Variants in CD276 observed in about 807,000 individuals in gnomAD.
CD276 encodes the protein CD276 antigen.
In CD276, 34 loss-of-function variants were observed where a neutral mutation model predicts 50.0. The ratio of observed to expected loss-of-function variants is 0.68; its 90% confidence interval spans 0.52 to 0.91. CD276 has a LOEUF of 0.91. Ranked by LOEUF, CD276 falls within the 40% of genes least tolerant of loss-of-function variation. The pLI is 0.00. For missense variants in CD276, 634 were observed against 717.5 expected (o/e 0.88, Z 1.33); for synonymous variants, 275 against 313.0 (o/e 0.88, Z 1.28).
chr15:73,700,521 A>G (rs1900337785), intron 2 of CD276, among the ~76,000 whole-genome samples: 1 of 152,080 alleles, frequency 6.6e-6, no homozygotes, highest in Non-Finnish European at 1.5e-5. Context: ...TGGGTGACTT[A>G]CCAGGTTTCA....
intron 9 of CD276, chr15:73,711,413 T>C (rs1900896206): frequency 1.9e-6 from 1 of 528,086 alleles, no homozygotes; most frequent in East Asian, 3.3e-5. Context: ...CTTCCTGTGA[T>C]AGTGTGAGCA....
rs1232910610 is a variant in CD276, at chr15:73,709,655, G to A, written c.1512G>A (p.Glu504=). 5.0e-6 allele frequency: 8 copies of A among 1,612,912 alleles called. No homozygotes were observed. The highest frequency in any genetic ancestry group is 4.5e-5 in the East Asian group (2 of 44,856). ...GAGTTCTTGCCTTTGCAGGAGCTGA[G>A]GACCAGGATGGGGAGGGAGAAGGCT... The part of the protein sequence containing the change: ...QSCEEENAGA[E]DQDGEGEGSK... The change falls in exon 8 of 10, where the codon GAG becomes GAA. Residue 504 remains glutamate (E), a synonymous_variant. Transcript: ENST00000318443.
intron 4 of CD276, 141 bp downstream of exon 4, chr15:73,703,227 G>A: frequency 9.3e-7 from 1 of 1,072,134 alleles, no homozygotes; most frequent in Non-Finnish European, 1.3e-6. Context: ...ATAACGGGGA[G>A]GTGGGGATGT....
intron 9 of CD276, 119 bp from the exon 10 acceptor site, chr15:73,712,815 C>A: frequency 1.9e-6 from 2 of 1,035,552 alleles, no homozygotes; most frequent in Non-Finnish European, 2.9e-6. Flanking sequence ...CTGTCTCACA[C>A]ACACTCCCCA....
In CD276 at chr15:73,703,881, C is replaced by T. The variant is rs756640908; in HGVS notation, c.956C>T (p.Ala319Val). 5 of 1,613,722 alleles carry T rather than the reference C, an allele frequency of 3.1e-6. No individual in the cohort carries two copies. In the South Asian group the frequency reaches 5.5e-5, roughly 18 times the overall value. ...ACGGCCCTCTTCCCGGACCTGCTGG[C>T]ACAAGGCAATGCATCCCTGAGGCTG... Reference protein sequence around the residue: ...NRTALFPDLLAQGNASLRLQR... With the variant: ...NRTALFPDLLVQGNASLRLQR... Residue 319 changes from alanine to valine, a missense_variant, in exon 5 of 10, where the codon GCA (alanine) becomes GTA (valine). Ala to Val is a moderately conservative substitution (Grantham distance 64). Transcript: ENST00000318443.
chr15:73,684,699 G>T (rs989992295), intron 1 of CD276: 1 of 152,220 alleles, frequency 6.6e-6, no homozygotes, highest in African/African-American at 2.4e-5. Flanking sequence ...CCCGCGGAGA[G>T]CTGGGGGCTC....
At chr15:73,684,513 G>C (rs969122931) in intron 1 of CD276, 53 bp downstream of exon 1, 1 of 153,046 alleles carries the variant, frequency 6.5e-6, no homozygotes, top group Non-Finnish European at 1.5e-5. Flanking sequence ...TTTGTCTGCT[G>C]CGGGCCGGGC....
intron 1 of CD276, 110 bp downstream of exon 1, chr15:73,684,570 C>G (rs1899661878): frequency 2.0e-3 from 1 of 512 alleles, no homozygotes; most frequent in African/African-American, 0.011. Context: ...GCTGCAGGAG[C>G]TGAGCAGGGC....
chr15:73,699,264 C>A (rs569647369), intron 1 of CD276, among the ~76,000 whole-genome samples: 3 of 152,350 alleles, frequency 2.0e-5, no homozygotes, highest in Non-Finnish European at 4.4e-5. Flanking sequence ...TTGATCTGCA[C>A]ACATCCTAGC....
Position 73,713,440 on chromosome 15 carries a change from C to A in CD276, c.*484C>A. 3.6e-6 allele frequency: 1 copy of A among 274,624 alleles called. No individual in the cohort carries two copies. Among genetic ancestry groups the A allele is most frequent in the Non-Finnish European group, 7.0e-6 (1 of 143,690 alleles). The allele number at this position is 274,624 out of a possible 1,614,324, so 17.0% of individuals were successfully genotyped here. On this transcript the variant is annotated 3_prime_UTR_variant, in exon 10 of 10. Transcript: ENST00000318443. ...GTGATACACTAGTGATCATGTTCAG[C>A]CCTGCTTCCACCTGCATAGAATCTT... is the stretch of plus-strand genomic sequence containing the variant.
At chr15:73,688,586 G>C (rs1456206719) in intron 1 of CD276, among the ~76,000 whole-genome samples, 4 of 152,228 alleles carry the variant, frequency 2.6e-5, no homozygotes, top group Non-Finnish European at 5.9e-5. Flanking sequence ...GTGAGGAAGA[G>C]AGATAGGAGC....
intron 2 of CD276, 69 bp downstream of exon 2, chr15:73,699,787 C>T (rs1179824717): frequency 1.1e-5 from 16 of 1,503,912 alleles, no homozygotes; most frequent in East Asian, 2.4e-5. Context: ...GGGGTGCCCA[C>T]GCCTGTTAGG....
At chr15:73,691,001 C>T (rs1231307668) in intron 1 of CD276, among the ~76,000 whole-genome samples, 1 of 85,452 alleles carries the variant, frequency 1.2e-5, no homozygotes, top group East Asian at 3.9e-4. Context: ...ATTATTCTGG[C>T]TGTTGTATAG....
In CD276 at chr15:73,708,357, C is replaced by T. The variant is rs1478235511; in HGVS notation, c.1388C>T (p.Pro463Leu). Residue 463 changes from proline (P) to leucine (L), a missense_variant, in exon 7 of 10, where the codon CCC becomes CTC. Transcript: ENST00000318443. ...CTCTCAGGGCAGCCTATGACATTCC[C>T]CCCAGAGGCCCTGTGGGTGACCGTG... ...VTITGQPMTF[P>L]PEALWVTVGL... is the part of the protein sequence containing the mutation. 1 of 1,614,162 alleles carries T rather than the reference C, an allele frequency of 6.2e-7. No homozygotes were observed. The highest frequency in any genetic ancestry group is 1.1e-5 in the South Asian group (1 of 91,088).
Position 73,703,078 on chromosome 15 carries a change from G to T in CD276, c.725G>T (p.Ser242Ile), listed in dbSNP as rs1379799467. 2 of 1,597,476 alleles carry T rather than the reference G, an allele frequency of 1.3e-6. No individual in the cohort carries two copies. The highest frequency in any genetic ancestry group is 1.7e-6 in the Non-Finnish European group (2 of 1,170,484). Reference protein sequence around the residue: ...HSSVTITPQRSPTGAVEVQVP... With the variant: ...HSSVTITPQRIPTGAVEVQVP... Reference sequence around the variant, plus strand: ...TCTGTCACCATCACACCCCAGAGAAGCCCCACAGGTTGCTTTGCTTAAATG... The same window carrying T: ...TCTGTCACCATCACACCCCAGAGAATCCCCACAGGTTGCTTTGCTTAAATG... Residue 242 changes from serine to isoleucine, a missense_variant, in exon 4 of 10, where the codon AGC becomes ATC. Physicochemically the swap from Ser to Ile is moderately radical, Grantham distance 142. Transcript: ENST00000318443.
intron 7 of CD276, among the ~76,000 whole-genome samples, chr15:73,709,058 G>A (rs1900773037): frequency 6.6e-6 from 1 of 152,200 alleles, no homozygotes. Flanking sequence ...ATGGCTGGAG[G>A]TTGGGAAGGA....
intron 1 of CD276, 99 bp from the exon 2 acceptor site, chr15:73,699,487 C>A: frequency 6.9e-7 from 1 of 1,445,978 alleles, no homozygotes. Context: ...TCCCAGTGGG[C>A]AGTTGCAGCC....
intron 1 of CD276, among the ~76,000 whole-genome samples, chr15:73,685,505 G>A (rs903521793): frequency 1.5e-4 from 23 of 150,988 alleles, no homozygotes; most frequent in African/African-American, 4.6e-4. Context: ...GGCGGGTGGG[G>A]GGGTGTTAGT....
At chr15:73,699,554 G>T (rs1383385279) in intron 1 of CD276, 32 bp from the exon 2 acceptor site, 9 of 1,557,638 alleles carry the variant, frequency 5.8e-6, no homozygotes, top group Non-Finnish European at 7.8e-6. Context: ...AGAACCTTTG[G>T]AGACAAAGGC....
Sources: allele counts gnomAD v4.1 joint callset (sites outside exome capture counted in the v4.1 genomes callset), GRCh38; gene constraint gnomAD v4.1.1; transcripts MANE v1.5; gene names NCBI Gene and HGNC (gene_info 2026-07-23, HGNC 2026-07-21).